DOCK1: variants seen among roughly 807,000 people sequenced by gnomAD.
The protein encoded by DOCK1 is dedicator of cytokinesis protein 1.
DOCK1 carries 138 observed loss-of-function variants against 262.7 expected under a neutral mutation model. The observed-to-expected ratio is 0.53, with a 90% CI of 0.46 to 0.61. DOCK1 has a LOEUF of 0.61. Ranked by LOEUF, DOCK1 falls within the 20% of genes least tolerant of loss-of-function variation. The pLI is 0.00. For missense variants in DOCK1, 1,908 were observed against 2,370.7 expected, an observed-to-expected ratio of 0.80 and a Z score of 4.05; for synonymous variants, 866 against 867.4, an observed-to-expected ratio of 1.00 and a Z score of 0.03.
chr10:127,334,566 C>T (rs919991143), intron 29 of DOCK1, among the ~76,000 whole-genome samples: 1 of 152,118 alleles, frequency 6.6e-6, no homozygotes, highest in African/African-American at 2.4e-5. Flanking sequence ...TCCATTGAGC[C>T]ATTAAAAATA....
chr10:127,306,685 C>T (rs1465316682), intron 29 of DOCK1, among the ~76,000 whole-genome samples: 3 of 152,258 alleles, frequency 2.0e-5, no homozygotes, highest in South Asian at 2.1e-4. Flanking sequence ...CAGGGAAATA[C>T]GTTCTGTTTA....
At chr10:126,943,314 T>G (rs927578381) in intron 1 of DOCK1, among the ~76,000 whole-genome samples, 50 of 152,316 alleles carry the variant, frequency 3.3e-4, no homozygotes, top group Admixed American at 2.2e-3. Flanking sequence ...TGCCTTACTT[T>G]CTTTGGCAAG....
At chr10:127,390,501 G>T (rs1179461677) in intron 38 of DOCK1, among the ~76,000 whole-genome samples, 3 of 152,114 alleles carry the variant, frequency 2.0e-5, no homozygotes, top group South Asian at 4.1e-4. Flanking sequence ...ATTAGGGTGG[G>T]CCCTAATCGA....
At chr10:127,094,306 C>T (rs2047766869) in intron 23 of DOCK1, among the ~76,000 whole-genome samples, 1 of 152,182 alleles carries the variant, frequency 6.6e-6, no homozygotes, top group African/African-American at 2.4e-5. Flanking sequence ...TGATATTACA[C>T]AGGTTAGGTC....
At chr10:127,306,021 T>G (rs992756006) in intron 29 of DOCK1, among the ~76,000 whole-genome samples, 54 of 150,540 alleles carry the variant, frequency 3.6e-4, no homozygotes, top group Middle Eastern at 3.2e-3. Flanking sequence ...CTGGTTTTTT[T>G]TTTTTTTTTT....
At chr10:126,980,017 A>G (rs1169791291) in intron 3 of DOCK1, among the ~76,000 whole-genome samples, 1 of 152,040 alleles carries the variant, frequency 6.6e-6, no homozygotes, top group Non-Finnish European at 1.5e-5. Flanking sequence ...ACCTGTGGAC[A>G]TGGACAAGAC....
At chr10:127,258,446 T>C (rs2059902881) in intron 29 of DOCK1, among the ~76,000 whole-genome samples, 1 of 152,248 alleles carries the variant, frequency 6.6e-6, no homozygotes, top group South Asian at 2.1e-4. Flanking sequence ...TCACTGGAGA[T>C]CCATTTAGGT....
intron 44 of DOCK1, 131 bp downstream of exon 44, chr10:127,415,369 A>G: frequency 1.4e-6 from 1 of 739,144 alleles, no homozygotes; most frequent in Non-Finnish European, 2.2e-6. Context: ...CAGTTCCCAT[A>G]ACCACCCCAC....
chr10:127,155,148 T>C (rs1413468782), intron 27 of DOCK1, among the ~76,000 whole-genome samples: 1 of 152,218 alleles, frequency 6.6e-6, no homozygotes, highest in Non-Finnish European at 1.5e-5. Flanking sequence ...GCACAGAAGG[T>C]CTTCTGTCAA....
At chr10:127,419,842 C>T (rs1431792137) in intron 46 of DOCK1, 93 bp downstream of exon 46, 66 of 1,352,970 alleles carry the variant, frequency 4.9e-5, no homozygotes, top group Non-Finnish European at 6.0e-5. Context: ...ATGGAGGTCC[C>T]TGGGCTGCAG....
intron 27 of DOCK1, among the ~76,000 whole-genome samples, chr10:127,198,282 G>C (rs1294152205): frequency 6.6e-6 from 1 of 152,220 alleles, no homozygotes; most frequent in Non-Finnish European, 1.5e-5. Context: ...GCAGCTGTGG[G>C]CTCCAGTAAT....
intron 19 of DOCK1, among the ~76,000 whole-genome samples, chr10:127,042,194 G>C (rs1331368483): frequency 2.0e-5 from 3 of 152,180 alleles, no homozygotes; most frequent in Non-Finnish European, 4.4e-5. Flanking sequence ...CACCCTGGTT[G>C]GTAGAAGGTC....
At chr10:127,180,426 G>C (rs2055614839) in intron 27 of DOCK1, among the ~76,000 whole-genome samples, 1 of 152,194 alleles carries the variant, frequency 6.6e-6, no homozygotes, top group Non-Finnish European at 1.5e-5. Flanking sequence ...TAAGAAAATT[G>C]TGTTTTAGAA....
In DOCK1 at chr10:126,995,772, A is replaced by G. The variant is rs944046941; in HGVS notation, c.474-976A>G. On this transcript the variant is annotated intron_variant, in intron 6 of 51. Transcript: ENST00000623213. This position sits in a 1 kb window ranked among gnomAD's most constrained non-coding sequence, Gnocchi z 5.8. The stretch of plus-strand genomic sequence containing the variant: ...TTTTAGTTGGTGACTACATTTAGCC[A>G]TCTGGCCAGGAAGTTGCTTAACCTT... Among the ~76,000 whole-genome samples the G allele has an allele frequency of 6.6e-6, 1 of 152,234 alleles. No individual in the cohort carries two copies. The highest frequency in any genetic ancestry group is 1.5e-5 in the Non-Finnish European group (1 of 68,044).
At chr10:127,271,007 GTGTGTGTGTA>G (rs2060546493) in intron 29 of DOCK1, among the ~76,000 whole-genome samples, 2 of 151,128 alleles carry the variant, frequency 1.3e-5, no homozygotes, top group Middle Eastern at 6.3e-3. Flanking sequence ...GTATGTGTGT[GTGTGTGTGTA>G]TGTATATATA....
At chr10:127,415,102 C>T (rs1364140548) in intron 43 of DOCK1, 50 bp from the exon 44 acceptor site, 1 of 1,562,664 alleles carries the variant, frequency 6.4e-7, no homozygotes, top group African/African-American at 1.4e-5. Flanking sequence ...GAGCTGTCCA[C>T]CTGCTGACAT....
chr10:127,172,096 CTTTT>C (rs544335696), intron 27 of DOCK1, among the ~76,000 whole-genome samples: 3 of 152,070 alleles, frequency 2.0e-5, no homozygotes, highest in Admixed American at 6.5e-5. Flanking sequence ...TTCCTGTTTT[CTTTT>C]TTTGTTTGTT....
At chr10:127,375,990 A>C (rs563947028) in intron 35 of DOCK1, among the ~76,000 whole-genome samples, 2 of 152,326 alleles carry the variant, frequency 1.3e-5, no homozygotes, top group Admixed American at 1.3e-4. Flanking sequence ...CACTGGAGCC[A>C]GTACTAGATT....
intron 27 of DOCK1, among the ~76,000 whole-genome samples, chr10:127,208,252 C>T (rs904143793): frequency 2.4e-4 from 37 of 152,110 alleles, no homozygotes; most frequent in African/African-American, 7.0e-4. Flanking sequence ...TTTAAATGGA[C>T]GGTCATATAT....
Sources: gnomAD v4.1 joint callset for allele counts (sites outside exome capture counted in the v4.1 genomes callset) on GRCh38, gnomAD v4.1.1 for gene constraint, Gnocchi (gnomAD v3.1) non-coding constraint, MANE v1.5 for transcripts, NCBI Gene and HGNC (gene_info 2026-07-23, HGNC 2026-07-21) for gene names.